Variants in ADCY1 observed in about 807,000 individuals in gnomAD.
The protein encoded by ADCY1 is adenylate cyclase type 1.
Under a neutral mutation model 105.4 loss-of-function variants are expected in ADCY1, and 28 were observed. The ratio of observed to expected loss-of-function variants is 0.27; its 90% confidence interval spans 0.20 to 0.36. The LOEUF (loss-of-function observed/expected upper bound fraction) is 0.36. Among genes scored for constraint, ADCY1 ranks in the 10% least tolerant of loss-of-function variants. The pLI is 1.00. For synonymous variants in ADCY1, 655 were observed against 623.8 expected, an observed-to-expected ratio of 1.05 and a Z score of -0.75; for missense variants, 977 against 1,434.2, an observed-to-expected ratio of 0.68 and a Z score of 5.15.
chr7:45,661,184 C>G (rs1463465898), intron 7 of ADCY1, among the ~76,000 whole-genome samples: 1 of 152,044 alleles, frequency 6.6e-6, no homozygotes, highest in African/African-American at 2.4e-5. Context: ...AGTATCCAGT[C>G]CTGTAGTTTG....
chr7:45,702,420 G>A (rs2116256248), intron 14 of ADCY1, among the ~76,000 whole-genome samples: 1 of 152,342 alleles, frequency 6.6e-6, no homozygotes, highest in East Asian at 1.9e-4. Context: ...CCAAACCATG[G>A]CTTGTGGTGG....
intron 7 of ADCY1, 130 bp downstream of exon 7, chr7:45,660,313 G>T: frequency 7.5e-7 from 1 of 1,325,110 alleles, no homozygotes; most frequent in Non-Finnish European, 1.0e-6. Flanking sequence ...CTAAGATGGG[G>T]AGAGTTGTCC....
At chr7:45,670,239 T>G (rs1263404168) in intron 8 of ADCY1, among the ~76,000 whole-genome samples, 8 of 152,188 alleles carry the variant, frequency 5.3e-5, no homozygotes, top group African/African-American at 1.9e-4. Flanking sequence ...CTGGTACATT[T>G]TCAGAGATGT....
At chr7:45,684,381 T>G (rs1327604456) in intron 11 of ADCY1, 1 of 152,248 alleles carries the variant, frequency 6.6e-6, no homozygotes, top group Admixed American at 6.5e-5. Flanking sequence ...CCCCGACTAG[T>G]CGGGGACTCT....
intron 2 of ADCY1, among the ~76,000 whole-genome samples, chr7:45,607,080 A>G (rs1209980017): frequency 6.6e-6 from 1 of 151,632 alleles, no homozygotes; most frequent in Admixed American, 6.6e-5. Context: ...AAGGTTTTGT[A>G]CTTTAGTCTG....
chr7:45,698,656 C>T (rs1209939425), intron 14 of ADCY1, among the ~76,000 whole-genome samples: 1 of 152,176 alleles, frequency 6.6e-6, no homozygotes, highest in African/African-American at 2.4e-5. Context: ...ACTCAGCCTG[C>T]CCCATGCTGT....
rs72397514 is a variant in ADCY1 at position 45,698,164 on chromosome 7, TACAC to T, written c.2455-5190_2455-5187del. Among the ~76,000 whole-genome samples the T allele has an allele frequency of 7.8e-3, 1,147 of 147,692 alleles. 12 individuals are homozygous for T. Among genetic ancestry groups the T allele is most frequent in the African/African-American group, 0.025 (1,010 of 40,322 alleles). On this transcript the variant is annotated intron_variant, in intron 14 of 19. Transcript: ENST00000297323. ...GCACACACAAACACACATACTCTCT[TACAC>T]ACACACACACACACACACACATACA... is the stretch of plus-strand genomic sequence containing the variant.
At position 45,637,432 on chromosome 7, in the gene ADCY1, A is replaced by G. The variant is rs138279388; in HGVS notation, c.1021-11238A>G. The stretch of plus-strand genomic sequence containing the variant: ...CTTTGTGTTTTATGTATCTGCCTAA[A>G]TTTCTTTTGGCTGGGTGTGGTGGCT... On this transcript the variant is annotated intron_variant, in intron 4 of 19. Transcript: ENST00000297323. 6.6e-5 allele frequency among the ~76,000 whole-genome samples: 10 copies of G among 152,306 alleles called. No homozygotes were observed. In the East Asian group the frequency reaches 1.9e-3, roughly 29 times the overall value.
At chr7:45,683,803 A>G (rs546200912) in intron 11 of ADCY1, among the ~76,000 whole-genome samples, 6 of 152,216 alleles carry the variant, frequency 3.9e-5, no homozygotes, top group Non-Finnish European at 8.8e-5. Context: ...GCCCAGCGGC[A>G]GGCCAAGAGG....
intron 3 of ADCY1, among the ~76,000 whole-genome samples, chr7:45,620,815 T>A (rs1412565505): frequency 1.3e-5 from 2 of 152,240 alleles, no homozygotes; most frequent in Non-Finnish European, 2.9e-5. Flanking sequence ...TATAATTCTG[T>A]ATCCGGCAAA....
At chr7:45,611,279 C>CAGGG (rs1793584098) in intron 3 of ADCY1, among the ~76,000 whole-genome samples, 1 of 151,908 alleles carries the variant, frequency 6.6e-6, no homozygotes, top group Non-Finnish European at 1.5e-5. Flanking sequence ...ATCTGCCTAG[C>CAGGG]AGGGAAACAG....
chr7:45,625,193 A>T (rs890918151), intron 4 of ADCY1, among the ~76,000 whole-genome samples: 2 of 152,034 alleles, frequency 1.3e-5, no homozygotes, highest in Admixed American at 1.3e-4. Context: ...TCCAGGGTGT[A>T]TGGGCGGGGG....
rs77565381 is a variant in ADCY1 at position 45,662,014 on chromosome 7, G to A, written c.1450-45G>A. 2.0e-4 allele frequency: 317 copies of A among 1,591,726 alleles called. 1 individual carries two copies. Among genetic ancestry groups the A allele is most frequent in the Non-Finnish European group, 2.5e-4 (290 of 1,165,410 alleles). On this transcript the variant is annotated intron_variant, in intron 7 of 19. Coordinates refer to ENST00000297323, the MANE Select transcript of ADCY1 (RefSeq NM_021116.4). ...ATTCCCAGTCCGAGAGGCACAATGT[G>A]TCTCATTCACAGCATTTCTCCTTGC...
intron 1 of ADCY1, among the ~76,000 whole-genome samples, chr7:45,578,837 C>T (rs190789844): frequency 3.7e-4 from 56 of 152,318 alleles, no homozygotes; most frequent in African/African-American, 1.2e-3. Context: ...CTTGAAATAC[C>T]CACTTTTTGA....
chr7:45,686,710 A>G lies in ADCY1; in HGVS notation c.2454+37A>G, dbSNP rs747169635. Reference sequence around the variant, plus strand: ...CCTTTCTGCTTTCTGGGGGTGGGGGATTTAGAGGAGGAAGAAGTCTTCAGC... The same window carrying G: ...CCTTTCTGCTTTCTGGGGGTGGGGGGTTTAGAGGAGGAAGAAGTCTTCAGC... On this transcript the variant is annotated intron_variant, in intron 14 of 19. Transcript: ENST00000297323. The surrounding 1 kb of genome is among the most constrained non-coding windows in gnomAD (Gnocchi z 4.3). The G allele has an allele frequency of 3.2e-6, 5 of 1,572,220 alleles. No individual in the cohort carries two copies. Among genetic ancestry groups the G allele is most frequent in the Admixed American group, 1.8e-5 (1 of 55,800 alleles).
Position 45,713,807 on chromosome 7 carries a change from A to G in ADCY1, c.3172A>G (p.Thr1058Ala). ...EMLTYFLEGR[T>A]DGNGSQIRSL... ...GTTGACATACTTTCTAGAAGGCAGGACTGATGGAAACGGCTCCCAAATCAG... is the reference window on the plus strand; with the variant it reads ...GTTGACATACTTTCTAGAAGGCAGGGCTGATGGAAACGGCTCCCAAATCAG... Residue 1058 changes from threonine (T) to alanine (A), a missense_variant, in exon 20 of 20, where the codon ACT (threonine) becomes GCT (alanine). Physicochemically the swap from Thr to Ala is moderately conservative, Grantham distance 58 (BLOSUM62 0). Coordinates refer to ENST00000297323, the MANE Select transcript of ADCY1 (RefSeq NM_021116.4). 1.3e-6 allele frequency: 1 copy of G among 780,982 alleles called. No homozygotes were observed. Among genetic ancestry groups the G allele is most frequent in the Non-Finnish European group, 2.4e-6 (1 of 418,140 alleles). The allele number at this position is 780,982 out of a possible 1,614,324, so 48.4% of individuals were successfully genotyped here. A position where few individuals can be genotyped will look rare whatever the true frequency, so the allele number is the denominator to read the frequency against.
At chr7:45,606,771 C>T (rs938430674) in intron 2 of ADCY1, among the ~76,000 whole-genome samples, 2 of 152,180 alleles carry the variant, frequency 1.3e-5, no homozygotes, top group South Asian at 2.1e-4. Flanking sequence ...AAGATAAATT[C>T]GTTAAGATTT....
At chr7:45,578,313 C>T (rs1231899705) in intron 1 of ADCY1, among the ~76,000 whole-genome samples, 2 of 152,192 alleles carry the variant, frequency 1.3e-5, no homozygotes, top group East Asian at 1.9e-4. Flanking sequence ...GGGGAGGTAT[C>T]CATAAATATG....
chr7:45,630,298 G>A (rs1372904030), intron 4 of ADCY1, among the ~76,000 whole-genome samples: 1 of 152,074 alleles, frequency 6.6e-6, no homozygotes, highest in Non-Finnish European at 1.5e-5. Flanking sequence ...TTAATGCATT[G>A]TAACTTTTGT....
Sources: gnomAD v4.1 joint callset for allele counts (sites outside exome capture counted in the v4.1 genomes callset) on GRCh38, gnomAD v4.1.1 for gene constraint, Gnocchi (gnomAD v3.1) non-coding constraint, MANE v1.5 for transcripts, NCBI Gene and HGNC (gene_info 2026-07-23, HGNC 2026-07-21) for gene names.